The following TENM4 variants were observed in gnomAD, a reference collection of about 807,000 sequenced individuals.
The protein encoded by TENM4 is teneurin transmembrane protein 4.
TENM4 carries 82 observed loss-of-function variants against 243.3 expected under a neutral mutation model. The ratio of observed to expected loss-of-function variants is 0.34; its 90% CI spans 0.28 to 0.40. TENM4 has a LOEUF of 0.40. Among genes scored for constraint, TENM4 ranks in the 10% least tolerant of loss-of-function variants. The probability of loss-of-function intolerance (pLI) is 1.00; values close to 1 mark genes in which losing one functional copy is unlikely to be tolerated. For synonymous variants in TENM4, 1,412 were observed against 1,456.3 expected (o/e 0.97, Z 0.69); for missense variants, 3,138 against 3,673.3 (o/e 0.85, Z 3.77).
chr11:78,694,233 T>C (rs532774204), intron 28 of TENM4, among the ~76,000 whole-genome samples: 2 of 152,238 alleles, frequency 1.3e-5, no homozygotes, highest in South Asian at 4.1e-4. Flanking sequence ...TTGATTTGTA[T>C]GACTTTCATT....
intron 2 of TENM4, among the ~76,000 whole-genome samples, chr11:79,277,867 G>A (rs1405086411): frequency 1.3e-5 from 2 of 152,156 alleles, no homozygotes; most frequent in Admixed American, 6.5e-5. Flanking sequence ...GCCCAGAAAT[G>A]CAGCTTGAAA....
At chr11:78,982,974 G>A (rs1003036532) in intron 6 of TENM4, among the ~76,000 whole-genome samples, 1 of 152,216 alleles carries the variant, frequency 6.6e-6, no homozygotes, top group Non-Finnish European at 1.5e-5. Context: ...TGGGTCTGAG[G>A]AGTTAGCTCC....
At chr11:79,015,365 G>T (rs918310160) in intron 6 of TENM4, among the ~76,000 whole-genome samples, 7 of 152,174 alleles carry the variant, frequency 4.6e-5, no homozygotes, top group African/African-American at 1.4e-4. Context: ...ATGCTCTACT[G>T]CCTCCTTAGG....
chr11:79,395,463 C>A (rs1270793696), intron 1 of TENM4, among the ~76,000 whole-genome samples: 1 of 152,188 alleles, frequency 6.6e-6, no homozygotes, highest in African/African-American at 2.4e-5. Context: ...GGAACACATT[C>A]CTGAAGAGGA....
chr11:79,265,594 A>G (rs1487967385), intron 2 of TENM4, among the ~76,000 whole-genome samples: 1 of 152,108 alleles, frequency 6.6e-6, no homozygotes, highest in Non-Finnish European at 1.5e-5. Context: ...AAAATATTAT[A>G]TTTCCATTGG....
chr11:79,176,844 T>C (rs544912782), intron 3 of TENM4, among the ~76,000 whole-genome samples: 84 of 152,306 alleles, frequency 5.5e-4, no homozygotes, highest in African/African-American at 2.0e-3. Flanking sequence ...AAAGAATGCA[T>C]CTAACATCGG....
intron 28 of TENM4, among the ~76,000 whole-genome samples, chr11:78,696,664 T>A (rs1858971999): frequency 6.6e-6 from 1 of 152,140 alleles, no homozygotes; most frequent in Non-Finnish European, 1.5e-5. Flanking sequence ...TGCCAGAGGG[T>A]TTTTTTCCCT....
At chr11:79,393,311 C>T (rs918980688) in intron 1 of TENM4, among the ~76,000 whole-genome samples, 1 of 149,632 alleles carries the variant, frequency 6.7e-6, no homozygotes, top group Non-Finnish European at 1.5e-5. Flanking sequence ...CTGGTGGAAG[C>T]GATATTCAAA....
chr11:78,857,013 C>CA (rs1858696463), intron 10 of TENM4, among the ~76,000 whole-genome samples: 1 of 152,222 alleles, frequency 6.6e-6, no homozygotes, highest in Admixed American at 6.5e-5. Context: ...GGGGGCACCA[C>CA]AAATGCAAGC....
chr11:79,115,024 G>A (rs1861589899), intron 4 of TENM4, among the ~76,000 whole-genome samples: 1 of 152,198 alleles, frequency 6.6e-6, no homozygotes. Flanking sequence ...GAGCTTAAGG[G>A]CTAGTCAGGG....
intron 6 of TENM4, among the ~76,000 whole-genome samples, chr11:78,979,753 C>T (rs1174432630): frequency 1.3e-5 from 2 of 151,930 alleles, no homozygotes; most frequent in African/African-American, 4.8e-5. Flanking sequence ...GGAGACAGGC[C>T]ATGTTCACAT....
At chr11:79,140,643 A>G (rs566010632) in intron 4 of TENM4, among the ~76,000 whole-genome samples, 1 of 152,218 alleles carries the variant, frequency 6.6e-6, no homozygotes, top group Non-Finnish European at 1.5e-5. Context: ...TTTGACCACC[A>G]CAGAAGAAGT....
chr11:79,258,094 G>A (rs1461987118), intron 2 of TENM4, among the ~76,000 whole-genome samples: 1 of 152,154 alleles, frequency 6.6e-6, no homozygotes, highest in Non-Finnish European at 1.5e-5. Flanking sequence ...GGAGAGGAGA[G>A]GGGTTTGGTG....
chr11:78,985,622 T>A (rs1857899486), intron 6 of TENM4, among the ~76,000 whole-genome samples: 2 of 152,268 alleles, frequency 1.3e-5, no homozygotes, highest in Admixed American at 1.3e-4. Context: ...GTTGTTTATT[T>A]TATCTATTTA....
chr11:79,316,226 C>A (rs949575816), intron 1 of TENM4, among the ~76,000 whole-genome samples: 1 of 151,510 alleles, frequency 6.6e-6, no homozygotes, highest in Non-Finnish European at 1.5e-5. Context: ...GATATAAAAA[C>A]AGATTGAGAA....
chr11:78,975,301 G>A (rs1429880215), intron 6 of TENM4, among the ~76,000 whole-genome samples: 1 of 151,956 alleles, frequency 6.6e-6, no homozygotes, highest in East Asian at 2.0e-4. Context: ...GTGTGAGATG[G>A]TTCATTCACA....
At chr11:78,785,215 T>C (rs530772784) in intron 16 of TENM4, among the ~76,000 whole-genome samples, 1 of 152,218 alleles carries the variant, frequency 6.6e-6, no homozygotes, top group African/African-American at 2.4e-5. Context: ...CACTTCTCAC[T>C]AAGGGGTTTC....
intron 29 of TENM4, among the ~76,000 whole-genome samples, chr11:78,687,037 C>A (rs534102557): frequency 6.6e-6 from 1 of 152,298 alleles, no homozygotes; most frequent in East Asian, 1.9e-4. Flanking sequence ...ACTACACTGT[C>A]TAAAGAGATC....
At chr11:79,041,494 CA>C (rs34771137) in intron 6 of TENM4, among the ~76,000 whole-genome samples, 20,866 of 140,194 alleles carry the variant, frequency 0.15, 1,699 homozygotes, top group African/African-American at 0.18. Flanking sequence ...TGGAGGCACT[CA>C]AAAAAAAAAA....
Sources: gnomAD v4.1 joint callset for allele counts (sites outside exome capture counted in the v4.1 genomes callset) on GRCh38, gnomAD v4.1.1 for gene constraint, MANE v1.5 for transcripts, NCBI Gene and HGNC (gene_info 2026-07-23, HGNC 2026-07-21) for gene names.